The following GLRB variants were observed in gnomAD, a reference collection of about 807,000 sequenced individuals.
GLRB encodes the protein glycine receptor subunit beta.
A neutral mutation model predicts 54.2 loss-of-function variants in GLRB; 33 were observed. The ratio of observed to expected loss-of-function variants is 0.61; its 90% CI spans 0.46 to 0.81. The LOEUF is 0.81. Among genes scored for constraint, GLRB ranks in the 40% least tolerant of loss-of-function variants. The pLI is 0.00. For synonymous variants in GLRB, 209 were observed against 208.2 expected (o/e 1.00, Z -0.03); for missense variants, 572 against 584.6 (o/e 0.98, Z 0.22).
intron 9 of GLRB, among the ~76,000 whole-genome samples, chr4:157,164,832 C>T (rs781227165): frequency 6.6e-6 from 1 of 151,534 alleles, no homozygotes; most frequent in Non-Finnish European, 1.5e-5. Flanking sequence ...AGTAGTAAAC[C>T]CAATTATGTT....
At chr4:157,121,647 A>G (rs1579216047) in intron 3 of GLRB, among the ~76,000 whole-genome samples, 2 of 151,728 alleles carry the variant, frequency 1.3e-5, no homozygotes, top group Middle Eastern at 3.4e-3. Flanking sequence ...GTTTTTCATC[A>G]GTTAGTGGTT....
At chr4:157,144,597 C>T (rs555712926) in intron 8 of GLRB, among the ~76,000 whole-genome samples, 45 of 152,316 alleles carry the variant, frequency 3.0e-4, no homozygotes, top group Middle Eastern at 3.4e-3. Context: ...ATTGAATAAA[C>T]TTCAAAATAT....
intron 9 of GLRB, among the ~76,000 whole-genome samples, chr4:157,161,975 A>G (rs1737514426): frequency 6.6e-6 from 1 of 152,174 alleles, no homozygotes; most frequent in Non-Finnish European, 1.5e-5. Flanking sequence ...CACCAGTCAG[A>G]CGTAGATTTG....
At chr4:157,093,411 T>C (rs1734687481) in intron 2 of GLRB, among the ~76,000 whole-genome samples, 1 of 152,130 alleles carries the variant, frequency 6.6e-6, no homozygotes, top group African/African-American at 2.4e-5. Flanking sequence ...TCTAATAAGA[T>C]CACAAACACT....
At chr4:157,126,501 C>T (rs142868571) in intron 4 of GLRB, among the ~76,000 whole-genome samples, 2 of 151,666 alleles carry the variant, frequency 1.3e-5, no homozygotes, top group East Asian at 3.9e-4. Context: ...TGGTATTTAC[C>T]AACATTAACA....
intron 2 of GLRB, 91 bp from the exon 3 acceptor site, chr4:157,120,465 C>T: frequency 1.7e-6 from 1 of 589,308 alleles, no homozygotes; most frequent in Non-Finnish European, 3.2e-6. Flanking sequence ...GGATTTGTCT[C>T]AAAAAGGCAG....
Position 157,101,629 on chromosome 4 carries a change from G to A in GLRB, c.123-18927G>A, listed in dbSNP as rs369435175. Among the ~76,000 whole-genome samples, 8 of 152,070 alleles carry A rather than the reference G, an allele frequency of 5.3e-5. No individual in the cohort carries two copies. The East Asian group carries it at 1.4e-3, about 26-fold the overall frequency. ...TTGTGGTGAGGGGGGACCTGAAATT[G>A]GGGTTAACTTTTTCGAGTTTTTCCT... is the stretch of plus-strand genomic sequence containing the variant. On this transcript the variant is annotated intron_variant, in intron 2 of 9. Transcript: ENST00000264428.
At chr4:157,098,413 A>G (rs1734891853) in intron 2 of GLRB, among the ~76,000 whole-genome samples, 1 of 152,176 alleles carries the variant, frequency 6.6e-6, no homozygotes, top group Non-Finnish European at 1.5e-5. Context: ...TAGCCTCTCC[A>G]AGGTCAGAAA....
intron 2 of GLRB, among the ~76,000 whole-genome samples, chr4:157,082,962 TTTTATATATATA>T (rs944588576): frequency 2.6e-5 from 3 of 115,568 alleles, no homozygotes; most frequent in African/African-American, 1.3e-4. Flanking sequence ...ATGAATAGTG[TTTTATATATATA>T]TATATATATA....
Position 157,170,572 on chromosome 4 carries a change from C to A in GLRB, c.1338C>A (p.Asn446Lys), listed in dbSNP as rs757748175. The change falls in exon 10 of 10, where the codon AAC becomes AAA. Residue 446 changes from asparagine (N) to lysine (K), a missense_variant. Coordinates refer to ENST00000264428, the MANE Select transcript of GLRB (RefSeq NM_000824.5). ...ATGGAAAACCCATTGAAGTTAACAA[C>A]GGACTTGGGAAATCTCAGGCTAAGA... ...DCYGKPIEVNNGLGKSQAKNN... is the reference protein window; with the variant it reads ...DCYGKPIEVNKGLGKSQAKNN... 1.1e-5 allele frequency: 17 copies of A among 1,613,278 alleles called. No homozygotes were observed. The highest frequency in any genetic ancestry group is 1.4e-5 in the Non-Finnish European group (16 of 1,179,400).
At chr4:157,131,095 A>G (rs1221212447) in intron 4 of GLRB, among the ~76,000 whole-genome samples, 3 of 151,778 alleles carry the variant, frequency 2.0e-5, no homozygotes, top group Non-Finnish European at 4.4e-5. Flanking sequence ...ATCTAATTTT[A>G]CAGTCATAAC....
At chr4:157,097,536 T>A (rs1022889458) in intron 2 of GLRB, among the ~76,000 whole-genome samples, 8 of 152,136 alleles carry the variant, frequency 5.3e-5, no homozygotes, top group Admixed American at 5.2e-4. Context: ...ATTGCTTGAG[T>A]TAATGGAAGG....
intron 2 of GLRB, among the ~76,000 whole-genome samples, chr4:157,114,393 T>C (rs1039994789): frequency 4.0e-5 from 6 of 151,784 alleles, no homozygotes; most frequent in Admixed American, 6.6e-5. Context: ...TATAGAGTTA[T>C]AGAAAAATTT....
At position 157,171,293 on chromosome 4, in the gene GLRB, C is replaced by T. The variant is rs891632650; in HGVS notation, c.*565C>T. On this transcript the variant is annotated 3_prime_UTR_variant, in exon 10 of 10. Transcript: ENST00000264428. ...AATATATTAATTTGTAAAATCAGCTCGTTTTAAAGTGTGCTTGTGTTGTCA... is the reference window on the plus strand; with the variant it reads ...AATATATTAATTTGTAAAATCAGCTTGTTTTAAAGTGTGCTTGTGTTGTCA... The T allele has an allele frequency of 6.6e-6, 1 of 152,142 alleles. No homozygotes were observed. The highest frequency in any genetic ancestry group is 2.4e-5 in the African/African-American group (1 of 41,380). The allele number at this position is 152,142 out of a possible 1,614,324, so 9.4% of individuals were successfully genotyped here.
At chr4:157,147,826 A>G (rs1212880894) in intron 8 of GLRB, among the ~76,000 whole-genome samples, 3 of 152,232 alleles carry the variant, frequency 2.0e-5, no homozygotes, top group Non-Finnish European at 2.9e-5. Context: ...AACAAAGTCA[A>G]TGAACCTTCA....
chr4:157,101,733 C>T (rs923526813), intron 2 of GLRB, among the ~76,000 whole-genome samples: 1 of 150,720 alleles, frequency 6.6e-6, no homozygotes, highest in Admixed American at 6.6e-5. Context: ...ATTTCTTAAC[C>T]CTACACCCAT....
At chr4:157,132,595 C>T (rs56093976) in intron 4 of GLRB, among the ~76,000 whole-genome samples, 23,144 of 151,698 alleles carry the variant, frequency 0.15, 1,939 homozygotes, top group African/African-American at 0.23. Context: ...ACAAGTATTG[C>T]TTTGTTCTTA....
rs1230349324 is a variant in GLRB, at chr4:157,162,919, G to GGGCT, written c.1198-7512_1198-7511insGCTG. 3.3e-5 allele frequency among the ~76,000 whole-genome samples: 5 copies of GGGCT among 152,124 alleles called. No individual in the cohort carries two copies. In the East Asian group the frequency reaches 9.7e-4, roughly 29 times the overall value. On this transcript the variant is annotated intron_variant, in intron 9 of 9. Coordinates refer to ENST00000264428, the MANE Select transcript of GLRB (RefSeq NM_000824.5). ...GTTTGTGCTGCCTTTTGTTCAACTA[G>GGGCT]GCCTGCCCCCAGAGGTGGAGTCTAG...
chr4:157,127,814 C>T (rs558900247), intron 4 of GLRB, among the ~76,000 whole-genome samples: 45 of 151,962 alleles, frequency 3.0e-4, no homozygotes, highest in Middle Eastern at 3.4e-3. Context: ...TCAAAGGAAC[C>T]AGCCCCTCAG....
Sources: allele counts gnomAD v4.1 joint callset (sites outside exome capture counted in the v4.1 genomes callset), GRCh38; gene constraint gnomAD v4.1.1; transcripts MANE v1.5; gene names NCBI Gene and HGNC (gene_info 2026-07-23, HGNC 2026-07-21).